Variants in BRWD3 observed in about 807,000 individuals in gnomAD.
BRWD3 encodes bromodomain and WD repeat domain containing 3, also known as bromodomain and WD repeat-containing protein 3.
BRWD3 carries 10 observed loss-of-function variants against 149.7 expected under a neutral mutation model. That is an observed-to-expected ratio of 0.07 (90% CI 0.04 to 0.11). BRWD3 has a LOEUF of 0.11. Among genes scored for constraint, BRWD3 ranks in the 10% least tolerant of loss-of-function variants. The probability of loss-of-function intolerance (pLI) is 1.00; values close to 1 mark genes in which losing one functional copy is unlikely to be tolerated. For missense variants in BRWD3, 940 were observed against 1,373.2 expected, an observed-to-expected ratio of 0.68 and a Z score of 4.99; for synonymous variants, 504 against 456.7, an observed-to-expected ratio of 1.10 and a Z score of -1.32.
At chrX:80,683,485 G>A (rs921899790) in intron 37 of BRWD3, among the ~76,000 whole-genome samples, 24 of 111,374 alleles carry the variant, frequency 2.2e-4, no homozygotes, top group Admixed American at 2.0e-3. Flanking sequence ...GTGGAAGTAG[G>A]CAAATATATA....
Position 80,809,734 on chromosome X carries a change from AGAAGAGAG to A in BRWD3, c.-271_-264del. On this transcript the variant is annotated 5_prime_UTR_variant, in exon 1 of 41. Transcript: ENST00000373275. ...GAGTGAGTGAGTGAGAGAGAGAGAG[AGAAGAGAG>A]AGAGAGAGAGAGGAAAAAGAGAGAG... The A allele has an allele frequency of 1.2e-5, 2 of 164,540 alleles. No homozygotes were observed. The highest frequency in any genetic ancestry group is 1.1e-5 in the Non-Finnish European group (1 of 87,473). 13.6% of individuals were successfully genotyped at this position (164,540 alleles called of 1,213,427 possible). A position where few individuals can be genotyped will look rare whatever the true frequency, so the allele number is the denominator to read the frequency against.
intron 25 of BRWD3, among the ~76,000 whole-genome samples, chrX:80,699,273 A>C (rs900004882): frequency 5.4e-5 from 6 of 111,275 alleles, no homozygotes; most frequent in African/African-American, 2.0e-4. Flanking sequence ...CCTTCCTGTC[A>C]AGAATCATCA....
At position 80,736,761 on chromosome X, in the gene BRWD3, G is replaced by A. The variant is rs189652308; in HGVS notation, c.814-673C>T. 3.1e-3 allele frequency among the ~76,000 whole-genome samples: 345 copies of A among 111,058 alleles called. 2 individuals carry two copies. Among genetic ancestry groups the A allele is most frequent in the African/African-American group, 0.011 (333 of 30,600 alleles). On this transcript the variant is annotated intron_variant, in intron 8 of 40. Transcript: ENST00000373275. Reference sequence around the variant, plus strand: ...TCAGAAGGATCAAGGCCTTTATCATGTGGGCTTCTCAGGCTCTTACTCTCA... The same window carrying A: ...TCAGAAGGATCAAGGCCTTTATCATATGGGCTTCTCAGGCTCTTACTCTCA...
intron 6 of BRWD3, among the ~76,000 whole-genome samples, chrX:80,770,637 C>A (rs1489937456): frequency 8.9e-6 from 1 of 111,761 alleles, no homozygotes; most frequent in Non-Finnish European, 1.9e-5. Flanking sequence ...AAATCCACAG[C>A]CAATATCATA....
chrX:80,717,308 G>T (rs1309474617), intron 19 of BRWD3: 1 of 349,293 alleles, frequency 2.9e-6, no homozygotes, highest in African/African-American at 2.6e-5. Flanking sequence ...AATACTACTT[G>T]TATTCTTTTC....
rs1177134799 is a variant in BRWD3 at position 80,783,410 on chromosome X, G to C, written c.430+8444C>G. Among the ~76,000 whole-genome samples, 15 of 104,589 alleles carry C rather than the reference G, an allele frequency of 1.4e-4. No individual in the cohort carries two copies. The East Asian group carries it at 4.4e-3, about 31-fold the overall frequency. The allele number at this position is 104,589 out of a possible 115,157, so 90.8% of individuals were successfully genotyped here. A position where few individuals can be genotyped will look rare whatever the true frequency, so the allele number is the denominator to read the frequency against. ...AAAAAAAAAAAAAAAAAATCCAAAA[G>C]ACATGCAATAATAAATGCTGGTGAG... On this transcript the variant is annotated intron_variant, in intron 6 of 40. Coordinates refer to ENST00000373275, the MANE Select transcript of BRWD3 (RefSeq NM_153252.5).
intron 6 of BRWD3, among the ~76,000 whole-genome samples, chrX:80,769,299 GCAC>G (rs1179817242): frequency 9.0e-6 from 1 of 111,543 alleles, no homozygotes; most frequent in Non-Finnish European, 1.9e-5. Context: ...ATTCTTCTCA[GCAC>G]CACAACACAC....
intron 4 of BRWD3, among the ~76,000 whole-genome samples, chrX:80,804,187 C>A (rs1470122157): frequency 9.0e-6 from 1 of 110,907 alleles, no homozygotes; most frequent in East Asian, 2.8e-4. Context: ...GATGAAAATG[C>A]GAAATAAATG....
intron 4 of BRWD3, among the ~76,000 whole-genome samples, chrX:80,801,504 C>A (rs1185293118): frequency 9.2e-6 from 1 of 108,575 alleles, no homozygotes; most frequent in East Asian, 3.0e-4. Flanking sequence ...GCGTGAGCAA[C>A]CGCGCCCGGA....
At chrX:80,808,077 C>G (rs1305332224) in intron 4 of BRWD3, among the ~76,000 whole-genome samples, 3 of 90,297 alleles carry the variant, frequency 3.3e-5, no homozygotes, top group South Asian at 7.9e-4. Flanking sequence ...CCCGCCCCCC[C>G]CAAAAAAGAC....
At chrX:80,800,189 C>T (rs1204089123) in intron 4 of BRWD3, among the ~76,000 whole-genome samples, 10 of 106,461 alleles carry the variant, frequency 9.4e-5, no homozygotes, top group African/African-American at 3.4e-4. Flanking sequence ...GAGAAAGGCA[C>T]CCCAACCCAA....
chrX:80,799,104 T>C (rs1373663210), intron 4 of BRWD3, among the ~76,000 whole-genome samples: 7 of 112,400 alleles, frequency 6.2e-5, no homozygotes, highest in Non-Finnish European at 5.6e-5. Context: ...AAATTAACCC[T>C]AGATTATAAA....
At chrX:80,693,991 T>C (rs1165010629) in intron 27 of BRWD3, among the ~76,000 whole-genome samples, 1 of 111,351 alleles carries the variant, frequency 9.0e-6, no homozygotes, top group Non-Finnish European at 1.9e-5. Context: ...TTCCAGGGCA[T>C]GTCAGAGCTC....
At chrX:80,723,933 G>A (rs1404729509) in intron 15 of BRWD3, 57 bp from the exon 16 acceptor site, 52 of 1,127,040 alleles carry the variant, frequency 4.6e-5, no homozygotes, top group Non-Finnish European at 6.2e-5. Context: ...TAATAGATAG[G>A]CGGTAACTTC....
chrX:80,729,335 T>C (rs892540024), intron 13 of BRWD3, among the ~76,000 whole-genome samples: 3 of 111,458 alleles, frequency 2.7e-5, no homozygotes, highest in African/African-American at 9.7e-5. Flanking sequence ...AAATATGACA[T>C]TATCAATGGG....
chrX:80,809,025 G>A lies in BRWD3; in HGVS notation c.108C>T (p.Leu36=), dbSNP rs1276667670. The change falls in exon 3 of 41, where the codon CTC becomes CTT. Residue 36 remains leucine (L), a synonymous_variant. Transcript: ENST00000373275. The stretch of plus-strand genomic sequence containing the variant: ...AGGGGCTCCGTACCTGATGCTCCTC[G>A]AGCTCCTGCACTAGCACCTGAGCAA... ...NKSAQVLVQE[L]EEHQLIPRRL... 2 of 1,195,011 alleles carry A rather than the reference G, an allele frequency of 1.7e-6. No homozygotes were observed. Among genetic ancestry groups the A allele is most frequent in the South Asian group, 3.7e-5 (2 of 54,500 alleles).
intron 40 of BRWD3, among the ~76,000 whole-genome samples, chrX:80,681,062 A>G (rs2072440772): frequency 1.0e-5 from 1 of 100,335 alleles, no homozygotes; most frequent in South Asian, 4.8e-4. Context: ...CTCCCACCTC[A>G]GCTTCCTAAA....
At chrX:80,773,940 C>T (rs2073973941) in intron 6 of BRWD3, among the ~76,000 whole-genome samples, 1 of 112,471 alleles carries the variant, frequency 8.9e-6, no homozygotes, top group African/African-American at 3.2e-5. Context: ...ACAGCAACAA[C>T]TGCCCTGAAC....
At chrX:80,771,338 T>C (rs916917142) in intron 6 of BRWD3, among the ~76,000 whole-genome samples, 1 of 111,586 alleles carries the variant, frequency 9.0e-6, no homozygotes, top group African/African-American at 3.3e-5. Context: ...TCACACTACC[T>C]GGCTTCAAAC....
Sources: gnomAD v4.1 joint callset for allele counts (sites outside exome capture counted in the v4.1 genomes callset) on GRCh38, gnomAD v4.1.1 for gene constraint, MANE v1.5 for transcripts, NCBI Gene and HGNC (gene_info 2026-07-23, HGNC 2026-07-21) for gene names.